CROT: variants seen among roughly 807,000 people sequenced by gnomAD.
CROT encodes carnitine O-octanoyltransferase.
In CROT, 84 loss-of-function variants were observed where a neutral mutation model predicts 89.2. The ratio of observed to expected loss-of-function variants is 0.94; its 90% CI spans 0.79 to 1.13. CROT has a LOEUF of 1.13. Among genes scored for constraint, CROT ranks in the 50% most tolerant of loss-of-function variants. The pLI is 0.00. For missense variants in CROT, 711 were observed against 727.8 expected (o/e 0.98, Z 0.27); for synonymous variants, 212 against 239.5 (o/e 0.89, Z 1.06).
chr7:87,347,248 G>A (rs561547515), intron 2 of CROT, among the ~76,000 whole-genome samples: 10 of 152,284 alleles, frequency 6.6e-5, no homozygotes, highest in African/African-American at 2.4e-4. Flanking sequence ...CACCATATTC[G>A]CAGGTTCTGG....
intron 14 of CROT, 132 bp downstream of exon 14, chr7:87,391,844 G>C (rs1418524445): frequency 5.6e-6 from 5 of 891,798 alleles, no homozygotes; most frequent in Admixed American, 6.7e-5. Context: ...TCTTTTCTGA[G>C]GTTTTTAAAG....
chr7:87,356,696 G>T (rs1249430261), intron 3 of CROT, among the ~76,000 whole-genome samples: 1 of 152,184 alleles, frequency 6.6e-6, no homozygotes, highest in Non-Finnish European at 1.5e-5. Context: ...AACATGGGGT[G>T]TAAAAGCATC....
At chr7:87,385,137 CT>C (rs796138224) in intron 13 of CROT, among the ~76,000 whole-genome samples, 244 of 143,276 alleles carry the variant, frequency 1.7e-3, no homozygotes, top group Admixed American at 1.9e-3. Context: ...ATACCTCAAG[CT>C]TTTTTTTTTT....
intron 6 of CROT, among the ~76,000 whole-genome samples, chr7:87,364,061 G>A (rs1806363985): frequency 6.6e-6 from 1 of 152,164 alleles, no homozygotes; most frequent in African/African-American, 2.4e-5. Context: ...TTAGGGAGGA[G>A]AAGCAAGTGG....
intron 9 of CROT, among the ~76,000 whole-genome samples, chr7:87,376,195 C>A (rs1415270833): frequency 6.6e-6 from 1 of 152,066 alleles, no homozygotes. Context: ...TATGACTTTG[C>A]ATATCACATA....
chr7:87,382,445 T>TA lies in CROT; in HGVS notation c.1204dup (p.Thr402AsnfsTer39). The stretch of plus-strand genomic sequence containing the variant: ...ATCTACAGATTGCGGCTTATGCCTT[T>TA]ACATCTTTTGGCAAAAAGCTAACCA... On this transcript the variant is annotated frameshift_variant, in exon 13 of 18. Transcript: ENST00000331536. LOFTEE classifies it high-confidence loss of function. 6.2e-7 allele frequency: 1 copy of TA among 1,613,842 alleles called. No homozygotes were observed.
Position 87,389,462 on chromosome 7 carries a change from T to C in CROT, c.1302-2127T>C, listed in dbSNP as rs1278448038. On this transcript the variant is annotated intron_variant, in intron 13 of 17. Transcript: ENST00000331536. ...GCAGCCATAAAAGAGGATGAGTTCA[T>C]GTCCTTTGCAGGGACATGGATGAAG... Among the ~76,000 whole-genome samples, 3 of 152,200 alleles carry C rather than the reference T, an allele frequency of 2.0e-5. No homozygotes were observed. In the East Asian group the frequency reaches 5.8e-4, roughly 29 times the overall value.
rs552115114 is a variant in CROT at position 87,345,766 on chromosome 7, A to G, written c.-114A>G. On this transcript the variant is annotated splice_region_variant and 5_prime_UTR_variant, in exon 1 of 18. Transcript: ENST00000331536. ...CGAGGCGCGGGCGGTGAGGACGGAC[A>G]GGTCCGTTGAAGCAGCATTCCCTCC... 5 of 298,650 alleles carry G rather than the reference A, an allele frequency of 1.7e-5. No homozygotes were observed. The highest frequency in any genetic ancestry group is 1.6e-4 in the South Asian group (1 of 6,140). The allele number at this position is 298,650 out of a possible 1,614,324, so 18.5% of individuals were successfully genotyped here. A position where few individuals can be genotyped will look rare whatever the true frequency, so the allele number is the denominator to read the frequency against.
In CROT at chr7:87,392,826, A is replaced by AAT; in HGVS notation, c.1598+7_1598+8dup. On this transcript the variant is annotated splice_donor_region_variant and intron_variant, in intron 16 of 17. Transcript: ENST00000331536. ...ACGGACCCACTTTTTTCCAAAAGGT[A>AAT]ATATAGTGTAGTGTTTTACAGCTTC... 1 of 1,612,670 alleles carries AAT rather than the reference A, an allele frequency of 6.2e-7. No homozygotes were observed. The highest frequency in any genetic ancestry group is 8.5e-7 in the Non-Finnish European group (1 of 1,179,196).
chr7:87,345,724 G>T lies in CROT; in HGVS notation c.-156G>T. On this transcript the variant is annotated 5_prime_UTR_variant, in exon 1 of 18. It adds an upstream start codon to the 5' untranslated region. Coordinates refer to ENST00000331536, the MANE Select transcript of CROT (RefSeq NM_021151.4). ...GCGAGCCGGTGCTGCTGCAGGCTGA[G>T]GCTGCGGCAGAGGCGGCGAGGCGCG... 1 of 347,782 alleles carries T rather than the reference G, an allele frequency of 2.9e-6. No homozygotes were observed. 21.5% of individuals were successfully genotyped at this position (347,782 alleles called of 1,614,324 possible). A position where few individuals can be genotyped will look rare whatever the true frequency, so the allele number is the denominator to read the frequency against.
At chr7:87,387,081 T>A (rs998226605) in intron 13 of CROT, among the ~76,000 whole-genome samples, 19 of 151,772 alleles carry the variant, frequency 1.3e-4, no homozygotes, top group Admixed American at 6.6e-4. Context: ...TCTCTTACCT[T>A]CTGCTTGAAG....
At chr7:87,384,165 G>T (rs114933366) in intron 13 of CROT, among the ~76,000 whole-genome samples, 1,888 of 152,126 alleles carry the variant, frequency 0.012, 37 homozygotes, top group African/African-American at 0.042. Context: ...TGCATTTCCC[G>T]ATGATTAGTG....
intron 14 of CROT, among the ~76,000 whole-genome samples, chr7:87,392,122 T>C (rs1246834460): frequency 2.6e-5 from 4 of 152,194 alleles, no homozygotes; most frequent in African/African-American, 9.6e-5. Flanking sequence ...TGTTTCATAC[T>C]CTTTTTTTTG....
In CROT at chr7:87,353,068, G is replaced by A. The variant is rs185199306; in HGVS notation, c.115+3885G>A. On this transcript the variant is annotated intron_variant, in intron 3 of 17. Coordinates refer to ENST00000331536, the MANE Select transcript of CROT (RefSeq NM_021151.4). ...GGAGTCAAAGCCCTGTAACTGTAAGGCACAAGGATTAGTTAATAGCACTTG... is the reference window on the plus strand; with the variant it reads ...GGAGTCAAAGCCCTGTAACTGTAAGACACAAGGATTAGTTAATAGCACTTG... 6.6e-5 allele frequency among the ~76,000 whole-genome samples: 10 copies of A among 152,282 alleles called. No homozygotes were observed. In the East Asian group the frequency reaches 1.9e-3, roughly 29 times the overall value.
rs1437680773 is a variant in CROT at position 87,370,139 on chromosome 7, CTTAAAATACACATTTAGTACCATTATCA to C, written c.656+657_656+684del. Among the ~76,000 whole-genome samples, 3 of 152,186 alleles carry C rather than the reference CTTAAAATACACATTTAGTACCATTATCA, an allele frequency of 2.0e-5. No homozygotes were observed. The East Asian group carries it at 5.8e-4, about 29-fold the overall frequency. ...TATACATCTCTAAAATAGAAGGACT[CTTAAAATACACATTTAGTACCATTATCA>C]TACCTAATGACTTCTAAAAAATAAT... On this transcript the variant is annotated intron_variant, in intron 7 of 17. Coordinates refer to ENST00000331536, the MANE Select transcript of CROT (RefSeq NM_021151.4).
intron 17 of CROT, among the ~76,000 whole-genome samples, chr7:87,395,117 G>C (rs1029459918): frequency 2.0e-5 from 3 of 152,142 alleles, no homozygotes; most frequent in Non-Finnish European, 4.4e-5. Context: ...ACGATCACAA[G>C]GTCCCACAAT....
chr7:87,363,781 A>C (rs1806355661), intron 6 of CROT, among the ~76,000 whole-genome samples: 1 of 152,240 alleles, frequency 6.6e-6, no homozygotes, highest in Non-Finnish European at 1.5e-5. Context: ...AGACAAGTTT[A>C]TAAGCAGGGA....
intron 3 of CROT, among the ~76,000 whole-genome samples, chr7:87,350,229 G>A (rs1340583257): frequency 1.3e-5 from 2 of 152,074 alleles, no homozygotes; most frequent in Non-Finnish European, 1.5e-5. Flanking sequence ...CATGTCCTGG[G>A]ATATATTATG....
intron 17 of CROT, among the ~76,000 whole-genome samples, chr7:87,397,732 G>T (rs1048611245): frequency 1.3e-5 from 2 of 152,158 alleles, no homozygotes; most frequent in Non-Finnish European, 2.9e-5. Context: ...ATTATATACT[G>T]GGCTAGAGCA....
Sources: gnomAD v4.1 joint callset for allele counts (sites outside exome capture counted in the v4.1 genomes callset) on GRCh38, gnomAD v4.1.1 for gene constraint, MANE v1.5 for transcripts, NCBI Gene and HGNC (gene_info 2026-07-23, HGNC 2026-07-21) for gene names.